The following TMEM178B variants were observed in gnomAD, a reference collection of about 807,000 sequenced individuals.
TMEM178B encodes the protein transmembrane protein 178B.
In TMEM178B, 5 loss-of-function variants were observed where a neutral mutation model predicts 31.0. The ratio of observed to expected loss-of-function variants is 0.16; its 90% CI spans 0.08 to 0.34. The LOEUF is 0.34. Among genes scored for constraint, TMEM178B ranks in the 10% least tolerant of loss-of-function variants. The pLI, the probability that TMEM178B is intolerant of heterozygous loss-of-function variation, is 1.00. For synonymous variants in TMEM178B, 164 were observed against 164.0 expected (o/e 1.00, Z 0.00); for missense variants, 275 against 400.3 (o/e 0.69, Z 2.67).
At chr7:141,356,884 C>T (rs1799829173) in intron 2 of TMEM178B, among the ~76,000 whole-genome samples, 1 of 152,098 alleles carries the variant, frequency 6.6e-6, no homozygotes, top group African/African-American at 2.4e-5. Context: ...TCACTGCAAA[C>T]ATGATATTTT....
chr7:141,365,380 G>C (rs1191603416), intron 2 of TMEM178B, among the ~76,000 whole-genome samples: 3 of 152,200 alleles, frequency 2.0e-5, no homozygotes, highest in Non-Finnish European at 2.9e-5. Flanking sequence ...GCAGTGTGCT[G>C]TGAGATGGTG....
intron 1 of TMEM178B, among the ~76,000 whole-genome samples, chr7:141,194,945 A>G (rs1796758137): frequency 6.6e-6 from 1 of 152,182 alleles, no homozygotes; most frequent in Non-Finnish European, 1.5e-5. Flanking sequence ...CACCCACTGA[A>G]GCCACACCCA....
At chr7:141,285,053 C>CG (rs1459418721) in intron 2 of TMEM178B, among the ~76,000 whole-genome samples, 2 of 136,688 alleles carry the variant, frequency 1.5e-5, no homozygotes, top group Non-Finnish European at 3.1e-5. Flanking sequence ...TGTGAAAGCT[C>CG]TTTAAAAAAA....
intron 1 of TMEM178B, among the ~76,000 whole-genome samples, chr7:141,152,062 C>T (rs1265266421): frequency 6.6e-6 from 1 of 152,148 alleles, no homozygotes; most frequent in Non-Finnish European, 1.5e-5. Context: ...AGTGAGTTGC[C>T]CTATGCTGAG....
intron 3 of TMEM178B, among the ~76,000 whole-genome samples, chr7:141,455,669 G>T (rs1368727792): frequency 6.6e-6 from 1 of 152,254 alleles, no homozygotes; most frequent in Non-Finnish European, 1.5e-5. Context: ...GTTAACATTT[G>T]TAAAGCTCTT....
At chr7:141,098,339 C>T (rs1794999278) in intron 1 of TMEM178B, among the ~76,000 whole-genome samples, 1 of 152,114 alleles carries the variant, frequency 6.6e-6, no homozygotes, top group Non-Finnish European at 1.5e-5. Flanking sequence ...ACAGAACTGC[C>T]CTCTTGAAGG....
intron 2 of TMEM178B, among the ~76,000 whole-genome samples, chr7:141,380,921 G>A (rs887897622): frequency 6.6e-6 from 1 of 152,176 alleles, no homozygotes; most frequent in Non-Finnish European, 1.5e-5. Context: ...CTAGAAGAAA[G>A]CAGACCTAAC....
intron 1 of TMEM178B, among the ~76,000 whole-genome samples, chr7:141,189,493 G>C (rs960298605): frequency 6.6e-6 from 1 of 152,230 alleles, no homozygotes; most frequent in Non-Finnish European, 1.5e-5. Flanking sequence ...CCAAGCCTCT[G>C]AAGTTCATCT....
At chr7:141,387,903 C>G (rs1487338820) in intron 2 of TMEM178B, among the ~76,000 whole-genome samples, 1 of 152,158 alleles carries the variant, frequency 6.6e-6, no homozygotes, top group African/African-American at 2.4e-5. Context: ...CGGCCACTCC[C>G]CCTTTCCCGC....
At chr7:141,381,450 A>G (rs1448558690) in intron 2 of TMEM178B, among the ~76,000 whole-genome samples, 10 of 152,220 alleles carry the variant, frequency 6.6e-5, no homozygotes, top group Admixed American at 6.5e-4. Flanking sequence ...CCTTAGAAGA[A>G]GCAGTGTTTG....
the TMEM178B span, among the ~76,000 whole-genome samples, chr7:141,502,115 C>G: frequency 6.6e-6 from 1 of 150,754 alleles, no homozygotes; most frequent in East Asian, 1.9e-4. Flanking sequence ...TCTGTTATCC[C>G]CTTTCCAGTA....
At chr7:141,280,955 A>G (rs1798348466) in intron 2 of TMEM178B, among the ~76,000 whole-genome samples, 2 of 152,220 alleles carry the variant, frequency 1.3e-5, no homozygotes, top group South Asian at 4.1e-4. Context: ...TAATGTACAA[A>G]GTGAACTATT....
intron 2 of TMEM178B, among the ~76,000 whole-genome samples, chr7:141,263,381 C>T (rs1323054156): frequency 6.6e-6 from 1 of 152,160 alleles, no homozygotes; most frequent in Non-Finnish European, 1.5e-5. Flanking sequence ...GGCAGTTTCC[C>T]AGGTACAGTC....
intron 2 of TMEM178B, among the ~76,000 whole-genome samples, chr7:141,346,082 G>T (rs754164448): frequency 2.0e-5 from 3 of 152,002 alleles, no homozygotes; most frequent in Non-Finnish European, 4.4e-5. Context: ...TTAGCCGGGC[G>T]TGGTGGCGGG....
chr7:141,419,949 A>C (rs942567707), intron 2 of TMEM178B, among the ~76,000 whole-genome samples: 1 of 152,188 alleles, frequency 6.6e-6, no homozygotes, highest in African/African-American at 2.4e-5. Flanking sequence ...TCTCCTATTC[A>C]TCAAATATGA....
chr7:141,249,440 G>A (rs994201333), intron 2 of TMEM178B, among the ~76,000 whole-genome samples: 4 of 152,172 alleles, frequency 2.6e-5, no homozygotes, highest in Admixed American at 6.5e-5. Flanking sequence ...GTGTAAAAAC[G>A]TACTTATACA....
intron 2 of TMEM178B, among the ~76,000 whole-genome samples, chr7:141,225,271 A>T (rs115227617): frequency 3.9e-5 from 6 of 152,106 alleles, no homozygotes; most frequent in Non-Finnish European, 5.9e-5. Flanking sequence ...TCCCTGCTCC[A>T]TCCTTCACCC....
At chr7:141,217,902 T>C (rs1797185943) in intron 2 of TMEM178B, among the ~76,000 whole-genome samples, 1 of 152,160 alleles carries the variant, frequency 6.6e-6, no homozygotes, top group Non-Finnish European at 1.5e-5. Flanking sequence ...AGATGCTCTC[T>C]GCTATCTTTC....
At chr7:141,225,074 G>C (rs1797319175) in intron 2 of TMEM178B, among the ~76,000 whole-genome samples, 1 of 152,218 alleles carries the variant, frequency 6.6e-6, no homozygotes, top group Non-Finnish European at 1.5e-5. Context: ...TTTGTCTGAT[G>C]CAATCAAGGT....
Sources: allele counts gnomAD v4.1 joint callset (sites outside exome capture counted in the v4.1 genomes callset), GRCh38; gene constraint gnomAD v4.1.1; transcripts MANE v1.5; gene names NCBI Gene and HGNC (gene_info 2026-07-23, HGNC 2026-07-21).